PCDH11X: variants seen among roughly 807,000 people sequenced by gnomAD.
The protein encoded by PCDH11X is protocadherin 11 X-linked.
Under a neutral mutation model 53.3 loss-of-function variants are expected in PCDH11X, and 18 were observed. That is an observed-to-expected ratio of 0.34 (90% confidence interval 0.23 to 0.50). The LOEUF (loss-of-function observed/expected upper bound fraction) is 0.50, where lower values mean the gene tolerates loss of function less well. PCDH11X is among the 20% of genes least tolerant of loss of function. PCDH11X has a pLI of 0.98. For synonymous variants in PCDH11X, 279 were observed against 393.3 expected, an observed-to-expected ratio of 0.71 and a Z score of 3.44; for missense variants, 570 against 1,032.4, an observed-to-expected ratio of 0.55 and a Z score of 6.14.
intron 9 of PCDH11X, among the ~76,000 whole-genome samples, chrX:92,443,133 A>G (rs997110999): frequency 7.4e-5 from 8 of 108,324 alleles, no homozygotes; most frequent in Non-Finnish European, 1.5e-4. Flanking sequence ...TAGAGATAGT[A>G]TCTTATTGTG....
At chrX:91,958,499 T>C (rs1441487044) in intron 6 of PCDH11X, among the ~76,000 whole-genome samples, 1 of 110,960 alleles carries the variant, frequency 9.0e-6, no homozygotes, top group Non-Finnish European at 1.9e-5. Context: ...TCCAGATCCA[T>C]GAGTTGCAAA....
In PCDH11X at chrX:92,181,860, G is replaced by C. The variant is rs895826506; in HGVS notation, c.3034-19515G>C. Among the ~76,000 whole-genome samples the C allele has an allele frequency of 7.1e-5, 8 of 112,648 alleles. No individual in the cohort carries two copies. The East Asian group carries it at 1.4e-3, about 20-fold the overall frequency. ...ACGTCAAGGCAGAAGTTTGCTGCAG[G>C]GGTGGGGCACTCATGGAGAACTTCT... On this transcript the variant is annotated intron_variant, in intron 6 of 10. Coordinates refer to ENST00000682573, the MANE Select transcript of PCDH11X (RefSeq NM_032968.5).
intron 6 of PCDH11X, among the ~76,000 whole-genome samples, chrX:92,167,031 A>G: frequency 9.1e-6 from 1 of 109,929 alleles, no homozygotes; most frequent in Non-Finnish European, 1.9e-5. Context: ...TGAACATTAA[A>G]ATTAATACTT....
chrX:92,217,263 A>G (rs1226186915), intron 7 of PCDH11X, among the ~76,000 whole-genome samples: 2 of 111,284 alleles, frequency 1.8e-5, no homozygotes, highest in Non-Finnish European at 3.8e-5. Context: ...CTGGCAAATT[A>G]GATAAAGAGT....
At chrX:91,933,705 G>T (rs979310947) in intron 6 of PCDH11X, among the ~76,000 whole-genome samples, 3 of 111,256 alleles carry the variant, frequency 2.7e-5, no homozygotes, top group Non-Finnish European at 5.7e-5. Flanking sequence ...TTTATGAACT[G>T]CTTAGGTAGT....
At chrX:92,503,479 C>T (rs1238874865) in intron 10 of PCDH11X, among the ~76,000 whole-genome samples, 4 of 97,759 alleles carry the variant, frequency 4.1e-5, no homozygotes, top group Admixed American at 1.1e-4. Context: ...TCAACCTAAA[C>T]GCCCATCAAT....
intron 6 of PCDH11X, among the ~76,000 whole-genome samples, chrX:91,891,691 A>C (rs1940479140): frequency 9.6e-6 from 1 of 104,632 alleles, no homozygotes; most frequent in Admixed American, 1.1e-4. Context: ...AAGATAAATT[A>C]AATATTTCTC....
At chrX:92,214,524 A>G (rs1452803226) in intron 7 of PCDH11X, among the ~76,000 whole-genome samples, 1 of 111,775 alleles carries the variant, frequency 8.9e-6, no homozygotes, top group African/African-American at 3.3e-5. Flanking sequence ...TAGAATTGCC[A>G]TGAAGGTTAG....
chrX:92,294,222 A>C lies in PCDH11X; in HGVS notation c.3144+31079A>C, dbSNP rs549426571. Among the ~76,000 whole-genome samples, 21 of 110,132 alleles carry C rather than the reference A, an allele frequency of 1.9e-4. No homozygotes were observed. In the South Asian group the frequency reaches 6.9e-3, roughly 36 times the overall value. ...AATAGCATGATCTTGGCTCACTGCAACTTCCACCTCCCAGGTTCAAGTGAT... is the reference window on the plus strand; with the variant it reads ...AATAGCATGATCTTGGCTCACTGCACCTTCCACCTCCCAGGTTCAAGTGAT... On this transcript the variant is annotated intron_variant, in intron 8 of 10. Transcript: ENST00000682573.
At chrX:92,027,598 G>C (rs2062987313) in intron 6 of PCDH11X, among the ~76,000 whole-genome samples, 1 of 107,674 alleles carries the variant, frequency 9.3e-6, no homozygotes, top group Non-Finnish European at 1.9e-5. Flanking sequence ...TTTCACCAAT[G>C]CATGAATATT....
At chrX:92,501,516 A>G (rs766275521) in intron 10 of PCDH11X, among the ~76,000 whole-genome samples, 1 of 111,930 alleles carries the variant, frequency 8.9e-6, no homozygotes, top group South Asian at 3.7e-4. Context: ...AGCACGTCAA[A>G]AAGCTTATCC....
intron 8 of PCDH11X, among the ~76,000 whole-genome samples, chrX:92,289,424 T>C (rs1190972377): frequency 8.9e-6 from 1 of 111,993 alleles, no homozygotes; most frequent in Non-Finnish European, 1.9e-5. Context: ...TGAAGCATCA[T>C]AAAATTAAAT....
chrX:91,975,907 A>G (rs1256874910), intron 6 of PCDH11X, among the ~76,000 whole-genome samples: 1 of 111,104 alleles, frequency 9.0e-6, no homozygotes, highest in Non-Finnish European at 1.9e-5. Context: ...GCCCACATGT[A>G]GACAGAGATG....
At chrX:91,938,810 A>G (rs2061476346) in intron 6 of PCDH11X, among the ~76,000 whole-genome samples, 1 of 110,970 alleles carries the variant, frequency 9.0e-6, no homozygotes, top group African/African-American at 3.3e-5. Context: ...TAGCCCCTAG[A>G]TGAAGCATAA....
chrX:92,113,117 G>T, intron 6 of PCDH11X: 8 of 597,392 alleles, frequency 1.3e-5, no homozygotes, highest in Non-Finnish European at 1.6e-5. Flanking sequence ...CTCAAAAAGT[G>T]ACATTTATTC....
chrX:92,536,329 G>T (rs748105736), intron 10 of PCDH11X, among the ~76,000 whole-genome samples: 5 of 110,950 alleles, frequency 4.5e-5, no homozygotes, highest in East Asian at 2.8e-4. Flanking sequence ...TTCTTGGATT[G>T]GGCTTCAATG....
intron 4 of PCDH11X, among the ~76,000 whole-genome samples, chrX:91,821,142 A>C (rs1364499186): frequency 9.4e-6 from 1 of 106,666 alleles, no homozygotes; most frequent in African/African-American, 3.8e-5. Flanking sequence ...CTTAGGATTG[A>C]CTTGGCGATG....
rs1490903695 is a variant in PCDH11X, at chrX:91,945,048, C to CATACATATATATATATAT, written c.3033+65778_3033+65779insCATATATATATATATATA. Among the ~76,000 whole-genome samples the CATACATATATATATATAT allele has an allele frequency of 7.1e-4, 45 of 63,219 alleles. 1 individual carries two copies. Among genetic ancestry groups the CATACATATATATATATAT allele is most frequent in the Non-Finnish European group, 1.2e-3 (38 of 32,212 alleles). The allele number at this position is 63,219 out of a possible 115,157, so 54.9% of individuals were successfully genotyped here. A position where few individuals can be genotyped will look rare whatever the true frequency, so the allele number is the denominator to read the frequency against. On this transcript the variant is annotated intron_variant, in intron 6 of 10. Coordinates refer to ENST00000682573, the MANE Select transcript of PCDH11X (RefSeq NM_032968.5). ...TCTAAGTCTTCGTAGACATCATATACATATATATATATATATATATTCTTA... is the reference window on the plus strand; with the variant it reads ...TCTAAGTCTTCGTAGACATCATATACATACATATATATATATATATATATATATATATATATATTCTTA...
chrX:92,490,193 G>T (rs572355372), intron 10 of PCDH11X, among the ~76,000 whole-genome samples: 1 of 105,125 alleles, frequency 9.5e-6, no homozygotes, highest in South Asian at 4.4e-4. Context: ...AGATAGGAGA[G>T]ATCCTTGTCC....
Sources: allele counts gnomAD v4.1 joint callset (sites outside exome capture counted in the v4.1 genomes callset), GRCh38; gene constraint gnomAD v4.1.1; transcripts MANE v1.5; gene names NCBI Gene and HGNC (gene_info 2026-07-23, HGNC 2026-07-21).